PLXNC1: variants seen among roughly 807,000 people sequenced by gnomAD.
PLXNC1 encodes the protein plexin-C1.
Under a neutral mutation model 178.2 loss-of-function variants are expected in PLXNC1, and 75 were observed. The ratio of observed to expected loss-of-function variants is 0.42; its 90% CI spans 0.35 to 0.51. PLXNC1 has a LOEUF of 0.51. PLXNC1 is among the 20% of genes least tolerant of loss of function. The pLI, the probability that PLXNC1 is intolerant of heterozygous loss-of-function variation, is 0.02. For synonymous variants in PLXNC1, 790 were observed against 779.9 expected, an observed-to-expected ratio of 1.01 and a Z score of -0.22; for missense variants, 1,503 against 1,984.4, an observed-to-expected ratio of 0.76 and a Z score of 4.61.
intron 20 of PLXNC1, among the ~76,000 whole-genome samples, chr12:94,261,474 T>C (rs141145254): frequency 5.9e-5 from 9 of 152,346 alleles, no homozygotes; most frequent in African/African-American, 1.9e-4. Context: ...AACTAGAGAA[T>C]TGGAAGAAGA....
intron 23 of PLXNC1, among the ~76,000 whole-genome samples, chr12:94,288,361 CTT>C (rs1449943831): frequency 6.6e-6 from 1 of 152,186 alleles, no homozygotes; most frequent in Non-Finnish European, 1.5e-5. Context: ...CAGGATCACT[CTT>C]GAGTCTTAAG....
intron 6 of PLXNC1, among the ~76,000 whole-genome samples, chr12:94,222,095 A>G (rs1963811915): frequency 6.6e-6 from 1 of 152,096 alleles, no homozygotes; most frequent in Non-Finnish European, 1.5e-5. Flanking sequence ...TCAATTTTCC[A>G]CTTTACTTTG....
At chr12:94,160,027 G>T (rs1241973746) in intron 1 of PLXNC1, among the ~76,000 whole-genome samples, 1 of 152,170 alleles carries the variant, frequency 6.6e-6, no homozygotes. Flanking sequence ...TTGATTTTTA[G>T]ATGCCTTGGG....
At chr12:94,256,559 A>G (rs1243280332) in intron 17 of PLXNC1, among the ~76,000 whole-genome samples, 1 of 152,054 alleles carries the variant, frequency 6.6e-6, no homozygotes, top group Non-Finnish European at 1.5e-5. Flanking sequence ...AAGGAATTCG[A>G]TTCCCCGAAT....
Position 94,240,557 on chromosome 12 carries a change from G to C in PLXNC1, c.2193G>C (p.Lys731Asn). ...TTCCATCAAGCCGGAAAGAAATGAA[G>C]GATGTGTGTATCCAGTTTGATGGTG... is the stretch of plus-strand genomic sequence containing the variant. Reference protein sequence around the residue: ...FSLPSSRKEMKDVCIQFDGGN... With the variant: ...FSLPSSRKEMNDVCIQFDGGN... Residue 731 changes from lysine (K) to asparagine (N), a missense_variant, in exon 11 of 31, where the codon AAG (lysine) becomes AAC (asparagine). Physicochemically the swap from Lys to Asn is moderately conservative, Grantham distance 94. Coordinates refer to ENST00000258526, the MANE Select transcript of PLXNC1 (RefSeq NM_005761.3). 6.2e-7 allele frequency: 1 copy of C among 1,613,902 alleles called. No individual in the cohort carries two copies. Among genetic ancestry groups the C allele is most frequent in the Non-Finnish European group, 8.5e-7 (1 of 1,179,762 alleles).
rs1239005495 is a variant in PLXNC1 at position 94,149,724 on chromosome 12, C to T, written c.753C>T (p.Tyr251=). The T allele has an allele frequency of 1.2e-6, 2 of 1,612,482 alleles. No homozygotes were observed. The highest frequency in any genetic ancestry group is 1.7e-6 in the Non-Finnish European group (2 of 1,179,562). Residue 251 remains tyrosine, a synonymous_variant, in exon 1 of 31, where the codon TAC becomes TAT. Transcript: ENST00000258526. ...NGSIYFPYYP[Y]NYTSGAATGW... The stretch of plus-strand genomic sequence containing the variant: ...GCATCTACTTCCCCTACTACCCCTA[C>T]AACTACACGAGCGGCGCTGCCACCG...
chr12:94,258,902 C>T (rs1018690109), intron 17 of PLXNC1, among the ~76,000 whole-genome samples: 1 of 152,228 alleles, frequency 6.6e-6, no homozygotes, highest in African/African-American at 2.4e-5. Flanking sequence ...CTTTCAATAT[C>T]ATTGTGTATT....
At chr12:94,286,518 G>A (rs191788756) in intron 23 of PLXNC1, among the ~76,000 whole-genome samples, 47 of 146,316 alleles carry the variant, frequency 3.2e-4, no homozygotes, top group Non-Finnish European at 1.0e-4. Context: ...ATTTTCTCTT[G>A]AGCACTAGCA....
chr12:94,290,027 T>C (rs3803069), intron 23 of PLXNC1, among the ~76,000 whole-genome samples: 23,326 of 152,220 alleles, frequency 0.15, 2,039 homozygotes, highest in Middle Eastern at 0.19. Flanking sequence ...TTTGGCAGCG[T>C]TCCTTATCAG....
intron 4 of PLXNC1, among the ~76,000 whole-genome samples, chr12:94,208,494 G>A (rs1388006080): frequency 6.6e-6 from 1 of 152,180 alleles, no homozygotes; most frequent in Non-Finnish European, 1.5e-5. Flanking sequence ...TACACTGTTT[G>A]GGCCCATCCA....
intron 24 of PLXNC1, among the ~76,000 whole-genome samples, chr12:94,295,423 T>C (rs1268798290): frequency 1.3e-5 from 2 of 152,196 alleles, no homozygotes; most frequent in Non-Finnish European, 2.9e-5. Flanking sequence ...TGTTGAAAAG[T>C]GGAAGAGCAT....
chr12:94,202,205 A>C (rs1963152570), intron 4 of PLXNC1, among the ~76,000 whole-genome samples: 1 of 152,178 alleles, frequency 6.6e-6, no homozygotes, highest in African/African-American at 2.4e-5. Context: ...ATTTGAAATT[A>C]TTTTAAATGA....
At chr12:94,246,185 G>C (rs913596031) in intron 12 of PLXNC1, among the ~76,000 whole-genome samples, 34 of 152,340 alleles carry the variant, frequency 2.2e-4, no homozygotes, top group Middle Eastern at 3.4e-3. Context: ...CTCCTGCAGG[G>C]CGGTTATTAT....
chr12:94,279,974 T>C, intron 22 of PLXNC1: 1 of 442,522 alleles, frequency 2.3e-6, no homozygotes, highest in South Asian at 2.0e-5. Context: ...TACAGAAAGG[T>C]GTCAACACAG....
intron 4 of PLXNC1, among the ~76,000 whole-genome samples, chr12:94,204,399 T>C (rs1223066056): frequency 1.3e-5 from 2 of 152,384 alleles, no homozygotes; most frequent in South Asian, 4.1e-4. Flanking sequence ...TCAAATCATG[T>C]GAAAAGACAT....
intron 5 of PLXNC1, among the ~76,000 whole-genome samples, chr12:94,212,255 C>A (rs1269756021): frequency 9.3e-6 from 1 of 108,052 alleles, no homozygotes; most frequent in Non-Finnish European, 1.7e-5. Context: ...GCCTGGGCGA[C>A]AGAGCGAGAC....
rs188428466 is a variant in PLXNC1, at chr12:94,193,691, C to T, written c.1439+7218C>T. Among the ~76,000 whole-genome samples the T allele has an allele frequency of 1.6e-3, 246 of 152,274 alleles. 1 individual carries two copies. Among genetic ancestry groups the T allele is most frequent in the African/African-American group, 5.0e-3 (208 of 41,550 alleles). On this transcript the variant is annotated intron_variant, in intron 4 of 30. Coordinates refer to ENST00000258526, the MANE Select transcript of PLXNC1 (RefSeq NM_005761.3). The stretch of plus-strand genomic sequence containing the variant: ...TGGGAGGGCTTCTGAGAGACACCAG[C>T]GCTGAGTCTCAGAGTGTGCAGTGGG...
At chr12:94,165,543 T>C (rs1961578062) in intron 1 of PLXNC1, among the ~76,000 whole-genome samples, 1 of 152,196 alleles carries the variant, frequency 6.6e-6, no homozygotes, top group Non-Finnish European at 1.5e-5. Flanking sequence ...CAAGCATTTG[T>C]CCACGTCCTG....
rs777376719 is a variant in PLXNC1 at position 94,220,067 on chromosome 12, G to A, written c.1606G>A (p.Val536Met). 1 of 1,613,978 alleles carries A rather than the reference G, an allele frequency of 6.2e-7. No individual in the cohort carries two copies. The highest frequency in any genetic ancestry group is 8.5e-7 in the Non-Finnish European group (1 of 1,179,894). Reference protein sequence around the residue: ...SFSPRHSKCMVKNVDSSRELC... With the variant: ...SFSPRHSKCMMKNVDSSRELC... ...CTCTCCAAGACACTCAAAGTGCATG[G>A]TGAAGAATGTGGACTCTAGCAGGGA... Residue 536 changes from valine to methionine, a missense_variant, in exon 6 of 31, where the codon GTG becomes ATG. Physicochemically the swap from Val to Met is conservative, Grantham distance 21. Coordinates refer to ENST00000258526, the MANE Select transcript of PLXNC1 (RefSeq NM_005761.3).
Sources: allele counts gnomAD v4.1 joint callset (sites outside exome capture counted in the v4.1 genomes callset), GRCh38; gene constraint gnomAD v4.1.1; transcripts MANE v1.5; gene names NCBI Gene and HGNC (gene_info 2026-07-23, HGNC 2026-07-21).